WIPF2: variants seen among roughly 807,000 people sequenced by gnomAD.
WIPF2 encodes WAS/WASL-interacting protein family member 2.
A neutral mutation model predicts 38.8 loss-of-function variants in WIPF2; 23 were observed. That is an observed-to-expected ratio of 0.59 (90% CI 0.43 to 0.84). WIPF2 has a LOEUF of 0.84. Among genes scored for constraint, WIPF2 ranks in the 40% least tolerant of loss-of-function variants. The pLI, the probability that WIPF2 is intolerant of heterozygous loss-of-function variation, is 0.00. For synonymous variants in WIPF2, 210 were observed against 223.2 expected (o/e 0.94, Z 0.53); for missense variants, 574 against 580.5 (o/e 0.99, Z 0.11).
chr17:40,267,429 G>C (rs2032121358), intron 5 of WIPF2, among the ~76,000 whole-genome samples: 1 of 152,188 alleles, frequency 6.6e-6, no homozygotes, highest in Non-Finnish European at 1.5e-5. Context: ...GGGAGACCGT[G>C]ACAGCTCTCT....
At chr17:40,227,103 A>G (rs1346879419) in intron 1 of WIPF2, among the ~76,000 whole-genome samples, 1 of 151,942 alleles carries the variant, frequency 6.6e-6, no homozygotes, top group Non-Finnish European at 1.5e-5. Flanking sequence ...GTGGAGTGGC[A>G]AGATCTGGGC....
At chr17:40,224,226 CTTTTCTTTT>C (rs2030377922) in intron 1 of WIPF2, among the ~76,000 whole-genome samples, 1 of 131,010 alleles carries the variant, frequency 7.6e-6, no homozygotes, top group Non-Finnish European at 1.6e-5. Flanking sequence ...TTTTTCTTTT[CTTTTCTTTT>C]TTTTTTTTTT....
At chr17:40,228,567 C>G (rs985140734) in intron 1 of WIPF2, among the ~76,000 whole-genome samples, 1 of 150,986 alleles carries the variant, frequency 6.6e-6, no homozygotes, top group African/African-American at 2.4e-5. Context: ...TGAGTTCCTA[C>G]TGTGTGCCAA....
At position 40,264,852 on chromosome 17, in the gene WIPF2, G is replaced by C. The variant is rs935444865; in HGVS notation, c.676G>C (p.Ala226Pro). 1.2e-6 allele frequency: 2 copies of C among 1,613,980 alleles called. No individual in the cohort carries two copies. Among genetic ancestry groups the C allele is most frequent in the Non-Finnish European group, 1.7e-6 (2 of 1,180,040 alleles). ...TCACCCTGGTCGAGAGGGACCTCCT[G>C]CTCCACCCCCAGTCAAACCACCTCC... ...RLHPGREGPP[A>P]PPPVKPPPSP... The change falls in exon 5 of 8, where the codon GCT (alanine) becomes CCT (proline). Residue 226 changes from alanine to proline, a missense_variant. Physicochemically the swap from Ala to Pro is conservative, Grantham distance 27. Coordinates refer to ENST00000323571, the MANE Select transcript of WIPF2 (RefSeq NM_133264.5).
At chr17:40,274,625 GAAGA>G (rs891195323) in intron 6 of WIPF2, among the ~76,000 whole-genome samples, 4 of 90,748 alleles carry the variant, frequency 4.4e-5, no homozygotes, top group African/African-American at 1.6e-4. Flanking sequence ...AAAGAAAAAA[GAAGA>G]AAGAATGACA....
intron 1 of WIPF2, among the ~76,000 whole-genome samples, chr17:40,233,809 A>G (rs939748077): frequency 6.6e-6 from 1 of 151,952 alleles, no homozygotes; most frequent in African/African-American, 2.4e-5. Flanking sequence ...CACACCTGTA[A>G]TCTGAACACT....
At chr17:40,277,986 A>G (rs2032457846) in intron 7 of WIPF2, among the ~76,000 whole-genome samples, 199 bp from the exon 8 acceptor site, 1 of 152,088 alleles carries the variant, frequency 6.6e-6, no homozygotes, top group Non-Finnish European at 1.5e-5. Flanking sequence ...TCGGCCTCCC[A>G]AAGTGCTGGG....
chr17:40,256,810 G>GA (rs1039639194), intron 2 of WIPF2, among the ~76,000 whole-genome samples: 7 of 152,268 alleles, frequency 4.6e-5, no homozygotes, highest in Middle Eastern at 3.4e-3. Flanking sequence ...TGATTCCTGA[G>GA]AGGTCCTCTT....
At chr17:40,258,011 A>G (rs552544367) in intron 2 of WIPF2, among the ~76,000 whole-genome samples, 1 of 152,258 alleles carries the variant, frequency 6.6e-6, no homozygotes, top group South Asian at 2.1e-4. Context: ...TGTTTTCATA[A>G]CCTGTAGTTT....
At position 40,283,414 on chromosome 17, in the gene WIPF2, T is replaced by C. The variant is rs1197936218; in HGVS notation, c.*5189T>C. The C allele has an allele frequency of 2.0e-5, 3 of 151,894 alleles. No individual in the cohort carries two copies. The highest frequency in any genetic ancestry group is 4.4e-5 in the Non-Finnish European group (3 of 68,042). The allele number at this position is 151,894 out of a possible 1,614,324, so 9.4% of individuals were successfully genotyped here. A position where few individuals can be genotyped will look rare whatever the true frequency, so the allele number is the denominator to read the frequency against. The stretch of plus-strand genomic sequence containing the variant: ...TGTGTACCACTATGCCTGGCTAATT[T>C]TGAAAATTTTTTTGTAAAGACAGGG... On this transcript the variant is annotated 3_prime_UTR_variant, in exon 8 of 8. Transcript: ENST00000323571.
chr17:40,276,994 G>A (rs2032423541), intron 6 of WIPF2, 89 bp from the exon 7 acceptor site: 1 of 1,142,078 alleles, frequency 8.8e-7, no homozygotes, highest in Non-Finnish European at 1.3e-6. Flanking sequence ...ATGCCTGAGA[G>A]ATTAGTAAGT....
At chr17:40,238,902 T>C (rs1236623783) in intron 1 of WIPF2, among the ~76,000 whole-genome samples, 4 of 150,444 alleles carry the variant, frequency 2.7e-5, no homozygotes, top group Non-Finnish European at 5.9e-5. Flanking sequence ...TGAGCCACCG[T>C]GCCCGGCCAT....
chr17:40,228,455 C>A (rs999203889), intron 1 of WIPF2, among the ~76,000 whole-genome samples: 26 of 152,088 alleles, frequency 1.7e-4, no homozygotes, highest in Non-Finnish European at 3.8e-4. Context: ...ATATTTGGCT[C>A]TTTGCATATA....
intron 1 of WIPF2, among the ~76,000 whole-genome samples, chr17:40,248,377 C>T (rs1030679507): frequency 1.3e-5 from 2 of 151,794 alleles, no homozygotes; most frequent in African/African-American, 4.8e-5. Flanking sequence ...CCATGTTGGC[C>T]AGGCTGGTCT....
intron 1 of WIPF2, among the ~76,000 whole-genome samples, chr17:40,236,647 C>T (rs193204808): frequency 1.0e-4 from 14 of 140,550 alleles, no homozygotes; most frequent in South Asian, 4.6e-4. Flanking sequence ...CTCACTCTGT[C>T]GCCCAGGCAG....
chr17:40,280,264 T>G lies in WIPF2; in HGVS notation c.*2039T>G, dbSNP rs955566043. 2.0e-5 allele frequency: 3 copies of G among 152,216 alleles called. No individual in the cohort carries two copies. Among genetic ancestry groups the G allele is most frequent in the African/African-American group, 7.2e-5 (3 of 41,436 alleles). The allele number at this position is 152,216 out of a possible 1,614,324, so 9.4% of individuals were successfully genotyped here. On this transcript the variant is annotated 3_prime_UTR_variant, in exon 8 of 8. Coordinates refer to ENST00000323571, the MANE Select transcript of WIPF2 (RefSeq NM_133264.5). ...CGGGCGGATCACCTGAGGTCAGAAG[T>G]TCGAGACCAGCCTGTCCAACATGGT...
chr17:40,242,401 TG>T (rs2031220004), intron 1 of WIPF2, among the ~76,000 whole-genome samples: 2 of 149,768 alleles, frequency 1.3e-5, no homozygotes, highest in Non-Finnish European at 2.9e-5. Flanking sequence ...AGAAATTTTT[TG>T]TTGTTGTTGT....
chr17:40,241,824 G>A (rs905348775), intron 1 of WIPF2, among the ~76,000 whole-genome samples: 2 of 152,008 alleles, frequency 1.3e-5, no homozygotes, highest in Admixed American at 6.6e-5. Context: ...AGATTCCTAC[G>A]CCTAGAAAAG....
In WIPF2 at chr17:40,271,916, G is replaced by T. The variant is rs149121265; in HGVS notation, c.971-1874G>T. ...GTCATATTGCCATTTCTTGACACAT[G>T]CTTTTGACGTTACCTTCTACTTGGT... On this transcript the variant is annotated intron_variant, in intron 5 of 7. Transcript: ENST00000323571. 8.8e-3 allele frequency among the ~76,000 whole-genome samples: 1,345 copies of T among 152,068 alleles called. 10 individuals are homozygous for T. The highest frequency in any genetic ancestry group is 0.014 in the Non-Finnish European group (959 of 67,998).
Sources: gnomAD v4.1 joint callset for allele counts (sites outside exome capture counted in the v4.1 genomes callset) on GRCh38, gnomAD v4.1.1 for gene constraint, MANE v1.5 for transcripts, NCBI Gene and HGNC (gene_info 2026-07-23, HGNC 2026-07-21) for gene names.